Variants in GPRC5C observed in about 807,000 individuals in gnomAD.
The protein encoded by GPRC5C is G protein-coupled receptor class C group 5 member C.
In GPRC5C, 22 loss-of-function variants were observed where a neutral mutation model predicts 31.4. The observed-to-expected ratio is 0.70, with a 90% CI of 0.50 to 1.00. The LOEUF (loss-of-function observed/expected upper bound fraction) is 1.00, where lower values mean the gene tolerates loss of function less well. Ranked by LOEUF, GPRC5C falls within the 50% of genes least tolerant of loss-of-function variation. The probability of loss-of-function intolerance (pLI) is 0.00; values close to 1 mark genes in which losing one functional copy is unlikely to be tolerated. For missense variants in GPRC5C, 557 were observed against 597.2 expected (o/e 0.93, Z 0.70); for synonymous variants, 249 against 257.5 (o/e 0.97, Z 0.32).
At chr17:74,442,776 G>T (rs2055561030) in intron 2 of GPRC5C, among the ~76,000 whole-genome samples, 1 of 152,220 alleles carries the variant, frequency 6.6e-6, no homozygotes, top group Admixed American at 6.5e-5. Context: ...TGCCCACCTG[G>T]GCTGAGGTGC....
chr17:74,440,116 T>A lies in GPRC5C; in HGVS notation c.340T>A (p.Ser114Thr), dbSNP rs928913127. The A allele has an allele frequency of 1.9e-6, 3 of 1,614,050 alleles. No homozygotes were observed. Among genetic ancestry groups the A allele is most frequent in the Admixed American group, 1.7e-5 (1 of 60,012 alleles). Residue 114 changes from serine (S) to threonine (T), a missense_variant, in exon 2 of 4, where the codon TCC (serine) becomes ACC (threonine). Physicochemically the swap from Ser to Thr is moderately conservative, Grantham distance 58. Coordinates refer to ENST00000392627, the MANE Select transcript of GPRC5C (RefSeq NM_022036.4). The surrounding 1 kb of genome is among the most constrained non-coding windows in gnomAD (Gnocchi z 4.4). ...VFACVVKPDF[S>T]TCASRRFLFG... ...TGCCTGTGTGGTGAAGCCCGACTTC[T>A]CCACCTGTGCCTCTCGGCGCTTCCT...
At chr17:74,443,223 T>G (rs536719621) in intron 2 of GPRC5C, 1 of 215,338 alleles carries the variant, frequency 4.6e-6, no homozygotes, top group African/African-American at 2.4e-5. Context: ...CACAAGGAAG[T>G]ATCCCTGGAG....
At chr17:74,450,805 TGAGG>T (rs1211325645), downstream of GPRC5C, 3 of 152,218 alleles carry the variant, frequency 2.0e-5, no homozygotes, top group African/African-American at 7.2e-5. Context: ...ATTGTCTTCC[TGAGG>T]TTTTTCCTGC....
rs144338093 is a variant in GPRC5C at position 74,440,503 on chromosome 17, G to C, written c.727G>C (p.Val243Leu). ...CTACAAGCGCTGGCGTAAGCATGGGGTCTTTGTGCTCCTCACCACAGCCAC... is the reference window on the plus strand; with the variant it reads ...CTACAAGCGCTGGCGTAAGCATGGGCTCTTTGTGCTCCTCACCACAGCCAC... ...GRYKRWRKHG[V>L]FVLLTTATSV... Residue 243 changes from valine to leucine, a missense_variant, in exon 2 of 4, where the codon GTC (valine) becomes CTC (leucine). Coordinates refer to ENST00000392627, the MANE Select transcript of GPRC5C (RefSeq NM_022036.4). The surrounding 1 kb of genome is among the most constrained non-coding windows in gnomAD (Gnocchi z 4.4). 178 of 1,614,158 alleles carry C rather than the reference G, an allele frequency of 1.1e-4. No individual in the cohort carries two copies. In the African/African-American group the frequency reaches 1.9e-3, roughly 17 times the overall value.
intron 1 of GPRC5C, 23 bp downstream of exon 1, chr17:74,432,164 G>C: frequency 1.2e-6 from 2 of 1,602,634 alleles, no homozygotes; most frequent in Non-Finnish European, 1.7e-6. Flanking sequence ...GGGGAGGGCC[G>C]GGCAGGCTTT....
At chr17:74,449,707 T>A, downstream of GPRC5C, 1 of 210,030 alleles carries the variant, frequency 4.8e-6, no homozygotes, top group Non-Finnish European at 9.4e-6. Context: ...GTGGTTCAGA[T>A]TGCCTTCTTC....
rs757465758 is a variant in GPRC5C, at chr17:74,439,929, C to G, written c.153C>G (p.Ile51Met). Residue 51 changes from isoleucine (I) to methionine (M), a missense_variant, in exon 2 of 4, where the codon ATC becomes ATG. Transcript: ENST00000392627. ...NLCDRSGAWG[I>M]VLEAVAGAGI... ...GTGACCGCTCTGGGGCGTGGGGCATCGTCCTGGAGGCCGTGGCTGGGGCGG... is the reference window on the plus strand; with the variant it reads ...GTGACCGCTCTGGGGCGTGGGGCATGGTCCTGGAGGCCGTGGCTGGGGCGG... 1 of 1,612,084 alleles carries G rather than the reference C, an allele frequency of 6.2e-7. No individual in the cohort carries two copies.
At chr17:74,442,301 C>A (rs745647647) in intron 2 of GPRC5C, among the ~76,000 whole-genome samples, 36 of 152,342 alleles carry the variant, frequency 2.4e-4, no homozygotes, top group Non-Finnish European at 2.5e-4. Context: ...CTGCACCTGG[C>A]CTTTTTCTCT....
chr17:74,441,647 G>T lies in GPRC5C; in HGVS notation c.1051+820G>T, dbSNP rs141163471. Among the ~76,000 whole-genome samples the T allele has an allele frequency of 7.5e-3, 1,135 of 152,134 alleles. 6 individuals are homozygous for T. The highest frequency in any genetic ancestry group is 0.011 in the Non-Finnish European group (741 of 67,998). ...AGACCGGCCTGGACAACATAGTGAG[G>T]CCCCGTCTCTACAAATAATTTCAAA... On this transcript the variant is annotated intron_variant, in intron 2 of 3. Coordinates refer to ENST00000392627, the MANE Select transcript of GPRC5C (RefSeq NM_022036.4).
chr17:74,443,067 G>C (rs73348395), intron 2 of GPRC5C: 14,889 of 154,090 alleles, frequency 0.097, 2,131 homozygotes, highest in African/African-American at 0.31. Flanking sequence ...CTGCAGGGCC[G>C]TCAGCCTTGC....
chr17:74,440,626 CT>C lies in GPRC5C; in HGVS notation c.851del (p.Leu284ProfsTer20). ...TWDDPTLAIA[L>X]AANAWAFVLF... ...GGATGACCCCACGCTGGCCATCGCC[CT>C]CGCCGCCAATGCCTGGGCCTTCGTC... On this transcript the variant is annotated frameshift_variant, in exon 2 of 4. Coordinates refer to ENST00000392627, the MANE Select transcript of GPRC5C (RefSeq NM_022036.4). LOFTEE classifies it high-confidence loss of function. The surrounding 1 kb of genome is among the most constrained non-coding windows in gnomAD (Gnocchi z 4.4). The C allele has an allele frequency of 6.2e-7, 1 of 1,608,186 alleles. No individual in the cohort carries two copies. Among genetic ancestry groups the C allele is most frequent in the Non-Finnish European group, 8.5e-7 (1 of 1,175,110 alleles).
rs563516682 is a variant in GPRC5C, at chr17:74,441,297, A to AT, written c.1051+478dup. Among the ~76,000 whole-genome samples, 347 of 151,962 alleles carry AT rather than the reference A, an allele frequency of 2.3e-3. 3 individuals carry two copies. The highest frequency in any genetic ancestry group is 8.1e-3 in the African/African-American group (335 of 41,410). On this transcript the variant is annotated intron_variant, in intron 2 of 3. Transcript: ENST00000392627. ...ATCTCAAAATAAATAAATAAATAAG[A>AT]TTTTTTTTCTATATTCATATAATTC...
chr17:74,447,012 C>G lies in GPRC5C; in HGVS notation c.1310C>G (p.Pro437Arg), dbSNP rs778308730. 2 of 1,613,606 alleles carry G rather than the reference C, an allele frequency of 1.2e-6. No individual in the cohort carries two copies. The highest frequency in any genetic ancestry group is 1.7e-6 in the Non-Finnish European group (2 of 1,179,544). Residue 437 changes from proline (P) to arginine (R), a missense_variant, in exon 4 of 4, where the codon CCC (proline) becomes CGC (arginine). Physicochemically the swap from Pro to Arg is moderately radical, Grantham distance 103 (BLOSUM62 -2). Coordinates refer to ENST00000392627, the MANE Select transcript of GPRC5C (RefSeq NM_022036.4). ...DGKNSQVFRNPYVWD is the reference protein window; with the variant it reads ...DGKNSQVFRNRYVWD Reference sequence around the variant, plus strand: ...AAGAACTCTCAGGTCTTTAGAAACCCCTACGTGTGGGACTGAGTCAGCGGT... The same window carrying G: ...AAGAACTCTCAGGTCTTTAGAAACCGCTACGTGTGGGACTGAGTCAGCGGT...
rs2144395592 is a variant in GPRC5C at position 74,432,301 on chromosome 17, G to T, written c.-33+160G>T. 4 of 1,463,806 alleles carry T rather than the reference G, an allele frequency of 2.7e-6. No individual in the cohort carries two copies. In the East Asian group the frequency reaches 1.0e-4, roughly 36 times the overall value. The allele number at this position is 1,463,806 out of a possible 1,614,324, so 90.7% of individuals were successfully genotyped here. ...TCGCCGAAAGCAAGGAGCCCTGCCT[G>T]GGGACAGGCCCGCGCGAGAGCGAGC... On this transcript the variant is annotated intron_variant, in intron 1 of 3. Transcript: ENST00000392627.
At position 74,440,318 on chromosome 17, in the gene GPRC5C, G is replaced by T. The variant is rs765992502; in HGVS notation, c.542G>T (p.Arg181Leu). 2 of 1,614,070 alleles carry T rather than the reference G, an allele frequency of 1.2e-6. No homozygotes were observed. Among genetic ancestry groups the T allele is most frequent in the East Asian group, 4.5e-5 (2 of 44,884 alleles). ...GAGTGGCTGATCATCACCCTGGTTC[G>T]GGGCAGTGGCGAGGGCGGCCCTCAG... ...NTEWLIITLV[R>L]GSGEGGPQGN... The change falls in exon 2 of 4, where the codon CGG becomes CTG. Residue 181 changes from arginine to leucine, a missense_variant. Coordinates refer to ENST00000392627, the MANE Select transcript of GPRC5C (RefSeq NM_022036.4). This position sits in a 1 kb window ranked among gnomAD's most constrained non-coding sequence, Gnocchi z 4.4.
chr17:74,448,368 T>A (rs1222060979), downstream of GPRC5C, among the ~76,000 whole-genome samples: 9 of 152,152 alleles, frequency 5.9e-5, no homozygotes, highest in African/African-American at 1.4e-4. Context: ...GCTCATTTTT[T>A]AATTTAATTT....
chr17:74,433,593 G>T (rs1026351522), intron 1 of GPRC5C: 14 of 858,810 alleles, frequency 1.6e-5, no homozygotes, highest in Non-Finnish European at 2.4e-5. Flanking sequence ...GGGAGAGACC[G>T]ATAGGAGTGG....
chr17:74,441,623 G>T (rs2055541443), intron 2 of GPRC5C, among the ~76,000 whole-genome samples: 1 of 152,158 alleles, frequency 6.6e-6, no homozygotes, highest in Non-Finnish European at 1.5e-5. Flanking sequence ...AGGAGTTTGA[G>T]ACCGGCCTGG....
In GPRC5C at chr17:74,443,929, G is replaced by C. The variant is rs539040856; in HGVS notation, c.1146+17G>C. 6.5e-7 allele frequency: 1 copy of C among 1,547,972 alleles called. No homozygotes were observed. Among genetic ancestry groups the C allele is most frequent in the African/African-American group, 1.4e-5 (1 of 73,756 alleles). The stretch of plus-strand genomic sequence containing the variant: ...AAAGTTCCGGTAAGTGGGTTCCCCA[G>C]GTCCCCGTGACACGTCTGGGCTACA... On this transcript the variant is annotated intron_variant, in intron 3 of 3. Coordinates refer to ENST00000392627, the MANE Select transcript of GPRC5C (RefSeq NM_022036.4).
Sources: allele counts gnomAD v4.1 joint callset (sites outside exome capture counted in the v4.1 genomes callset), GRCh38; gene constraint gnomAD v4.1.1; non-coding constraint Gnocchi (gnomAD v3.1); transcripts MANE v1.5; gene names NCBI Gene and HGNC (gene_info 2026-07-23, HGNC 2026-07-21).